Variants in FBXW12 observed in about 807,000 individuals in gnomAD.
The protein encoded by FBXW12 is F-box and WD repeat domain containing 12.
A neutral mutation model predicts 55.3 loss-of-function variants in FBXW12; 43 were observed. The observed-to-expected ratio is 0.78, with a 90% CI of 0.61 to 1.00. The LOEUF is 1.00. Among genes scored for constraint, FBXW12 ranks in the 50% least tolerant of loss-of-function variants. FBXW12 has a pLI of 0.00. For synonymous variants in FBXW12, 184 were observed against 203.8 expected, an observed-to-expected ratio of 0.90 and a Z score of 0.83; for missense variants, 524 against 560.5, an observed-to-expected ratio of 0.93 and a Z score of 0.66.
At position 48,373,611 on chromosome 3, in the gene FBXW12, A is replaced by T; in HGVS notation, c.192A>T (p.Thr64=). ...NFTNQHLGTH[T]WKQFFLHQRR... is the part of the protein sequence containing the mutation. ...CCAATCAACACCTGGGCACACACAC[A>T]TGGAAGCAATTTTTCCTGCATCAAA... Residue 64 remains threonine (T), a synonymous_variant, in exon 4 of 11, where the codon ACA becomes ACT. Transcript: ENST00000296438. The T allele has an allele frequency of 6.2e-7, 1 of 1,613,482 alleles. No individual in the cohort carries two copies. The highest frequency in any genetic ancestry group is 1.1e-5 in the South Asian group (1 of 90,940).
intron 8 of FBXW12, 38 bp downstream of exon 8, chr3:48,380,950 C>G (rs772013407): frequency 6.6e-7 from 1 of 1,526,110 alleles, no homozygotes; most frequent in Admixed American, 1.7e-5. Flanking sequence ...GTTTCTCTTC[C>G]TCATCACACA....
At chr3:48,391,531 C>T (rs2036929178) in intron 10 of FBXW12, among the ~76,000 whole-genome samples, 1 of 152,054 alleles carries the variant, frequency 6.6e-6, no homozygotes, top group Non-Finnish European at 1.5e-5. Flanking sequence ...ACTATGTTTA[C>T]TAGGAGTGGT....
chr3:48,394,428 C>A, intron 10 of FBXW12, 132 bp from the exon 11 acceptor site: 1 of 596,430 alleles, frequency 1.7e-6, no homozygotes. Context: ...TATTCAAAAC[C>A]AAATCTAAGA....
In FBXW12 at chr3:48,373,623, T is replaced by C; in HGVS notation, c.204T>C (p.Phe68=). The change falls in exon 4 of 11, where the codon TTT becomes TTC. Residue 68 remains phenylalanine, a synonymous_variant. Transcript: ENST00000296438. Reference sequence around the variant, plus strand: ...TGGGCACACACACATGGAAGCAATTTTTCCTGCATCAAAGAAGGAAGGAGC... The same window carrying C: ...TGGGCACACACACATGGAAGCAATTCTTCCTGCATCAAAGAAGGAAGGAGC... ...QHLGTHTWKQ[F]FLHQRRKELR... 1 of 1,614,176 alleles carries C rather than the reference T, an allele frequency of 6.2e-7. No individual in the cohort carries two copies. The highest frequency in any genetic ancestry group is 8.5e-7 in the Non-Finnish European group (1 of 1,180,038).
chr3:48,383,512 A>G (rs2036806924), intron 10 of FBXW12, among the ~76,000 whole-genome samples: 1 of 152,166 alleles, frequency 6.6e-6, no homozygotes. Flanking sequence ...AGGGTTTGCA[A>G]ATATTTTCTC....
intron 8 of FBXW12, 101 bp downstream of exon 8, chr3:48,381,013 G>A (rs1173148780): frequency 9.6e-6 from 9 of 935,226 alleles, no homozygotes; most frequent in Non-Finnish European, 1.4e-5. Flanking sequence ...AGTGAGCAGG[G>A]GATTTCTAGT....
At chr3:48,379,968 G>A (rs181754966) in intron 7 of FBXW12, 203 of 180,214 alleles carry the variant, frequency 1.1e-3, no homozygotes, top group Non-Finnish European at 2.0e-3. Flanking sequence ...GCATCAATAC[G>A]TTCACCTCCT....
chr3:48,372,527 T>C (rs1305662891), intron 1 of FBXW12, 157 bp from the exon 2 acceptor site: 2 of 1,021,734 alleles, frequency 2.0e-6, no homozygotes, highest in Non-Finnish European at 2.8e-6. Context: ...CTCTAAACAA[T>C]GAACAGCACT....
Position 48,383,263 on chromosome 3 carries a change from TC to T in FBXW12, c.1295+1182del, listed in dbSNP as rs750573981. 1.9e-3 allele frequency among the ~76,000 whole-genome samples: 293 copies of T among 152,322 alleles called. 1 individual carries two copies. The highest frequency in any genetic ancestry group is 1.7e-3 in the Non-Finnish European group (119 of 68,022). On this transcript the variant is annotated intron_variant, in intron 10 of 10. Coordinates refer to ENST00000296438, the MANE Select transcript of FBXW12 (RefSeq NM_207102.2). ...TTTCCTTTCAATAATTTCAAATACT[TC>T]CCCTGGATTTTTTTTCTTTCTTACA...
chr3:48,394,378 C>CAAA (rs2036975516), intron 10 of FBXW12, among the ~76,000 whole-genome samples, 182 bp from the exon 11 acceptor site: 1 of 152,138 alleles, frequency 6.6e-6, no homozygotes, highest in African/African-American at 2.4e-5. Flanking sequence ...GCTATTCCTG[C>CAAA]AAATAATAAT....
In FBXW12 at chr3:48,372,739, A is replaced by G. The variant is rs774827526; in HGVS notation, c.-29A>G. The G allele has an allele frequency of 4.3e-6, 7 of 1,614,066 alleles. No homozygotes were observed. The highest frequency in any genetic ancestry group is 3.3e-5 in the Admixed American group (2 of 60,012). ...CAGAGCAGCCCGGAGAGGAGAAAGGAAAGTGGATGTGGGTTCAGGCCGCAT... is the reference window on the plus strand; with the variant it reads ...CAGAGCAGCCCGGAGAGGAGAAAGGGAAGTGGATGTGGGTTCAGGCCGCAT... On this transcript the variant is annotated 5_prime_UTR_variant, in exon 2 of 11. Coordinates refer to ENST00000296438, the MANE Select transcript of FBXW12 (RefSeq NM_207102.2).
At chr3:48,393,375 T>A (rs2036959049) in intron 10 of FBXW12, among the ~76,000 whole-genome samples, 1 of 151,854 alleles carries the variant, frequency 6.6e-6, no homozygotes, top group Admixed American at 6.6e-5. Flanking sequence ...CAGGGCCTGG[T>A]GGGGAGGGGG....
intron 6 of FBXW12, 53 bp downstream of exon 6, chr3:48,378,579 T>A (rs1273327122): frequency 1.4e-6 from 2 of 1,448,234 alleles, no homozygotes. Context: ...CCTGTTGTCT[T>A]GTCAGGCATC....
chr3:48,379,746 G>A (rs2036739006), intron 7 of FBXW12, 188 bp downstream of exon 7: 2 of 554,678 alleles, frequency 3.6e-6, no homozygotes, highest in Admixed American at 3.3e-5. Context: ...CAGTTGCTGT[G>A]GCAAATGTTT....
chr3:48,372,454 T>C, intron 1 of FBXW12, 134 bp downstream of exon 1: 1 of 1,197,186 alleles, frequency 8.4e-7, no homozygotes, highest in Non-Finnish European at 1.2e-6. Flanking sequence ...CAACTTCATC[T>C]GCAACTGGGG....
At position 48,380,688 on chromosome 3, in the gene FBXW12, G is replaced by T; in HGVS notation, c.775-14G>T. 8 of 1,600,884 alleles carry T rather than the reference G, an allele frequency of 5.0e-6. No individual in the cohort carries two copies. The highest frequency in any genetic ancestry group is 6.0e-6 in the Non-Finnish European group (7 of 1,167,960). ...GTTCCCTGCCCCTGACCATGCATGC[G>T]ATGCTCTCTTTAGGTATTCCTCACA... On this transcript the variant is annotated splice_polypyrimidine_tract_variant and intron_variant, in intron 7 of 10. Coordinates refer to ENST00000296438, the MANE Select transcript of FBXW12 (RefSeq NM_207102.2).
chr3:48,375,606 A>G (rs1318900568), intron 5 of FBXW12, 134 bp downstream of exon 5: 2 of 618,996 alleles, frequency 3.2e-6, no homozygotes, highest in East Asian at 5.8e-5. Flanking sequence ...GTTTTCTATC[A>G]TGTAATTTGT....
At chr3:48,379,371 T>C (rs1299058254) in intron 6 of FBXW12, 29 bp from the exon 7 acceptor site, 1 of 1,608,498 alleles carries the variant, frequency 6.2e-7, no homozygotes, top group African/African-American at 1.3e-5. Flanking sequence ...TATCTTCCTA[T>C]TGATATGGTG....
rs1333686822 is a variant in FBXW12, at chr3:48,378,422, A to G, written c.511A>G (p.Lys171Glu). The change falls in exon 6 of 11, where the codon AAA becomes GAA. Residue 171 changes from lysine to glutamate, a missense_variant. Lys to Glu is a moderately conservative substitution (Grantham distance 56, BLOSUM62 1). Coordinates refer to ENST00000296438, the MANE Select transcript of FBXW12 (RefSeq NM_207102.2). Reference protein sequence around the residue: ...AITMDRKKTIKVWNCQDRDAL... With the variant: ...AITMDRKKTIEVWNCQDRDAL... ...CACTATGGATCGGAAAAAAACTATC[A>G]AAGTGTGGAACTGTCAGGACAGGGA... is the stretch of plus-strand genomic sequence containing the variant. The G allele has an allele frequency of 1.9e-6, 3 of 1,614,010 alleles. No individual in the cohort carries two copies. The highest frequency in any genetic ancestry group is 2.2e-5 in the East Asian group (1 of 44,876).
Sources: allele counts gnomAD v4.1 joint callset (sites outside exome capture counted in the v4.1 genomes callset), GRCh38; gene constraint gnomAD v4.1.1; transcripts MANE v1.5; gene names NCBI Gene and HGNC (gene_info 2026-07-23, HGNC 2026-07-21).